Variants in POLR3B observed in about 807,000 individuals in gnomAD.
POLR3B encodes the protein DNA-directed RNA polymerase III subunit RPC2.
In POLR3B, 96 loss-of-function variants were observed where a neutral mutation model predicts 147.4. The ratio of observed to expected loss-of-function variants is 0.65; its 90% CI spans 0.55 to 0.77. The LOEUF (loss-of-function observed/expected upper bound fraction) is 0.77, where lower values mean the gene tolerates loss of function less well. POLR3B is among the 30% of genes least tolerant of loss of function. The pLI, the probability that POLR3B is intolerant of heterozygous loss-of-function variation, is 0.00. For synonymous variants in POLR3B, 461 were observed against 485.9 expected (o/e 0.95, Z 0.67); for missense variants, 1,036 against 1,413.5 (o/e 0.73, Z 4.28).
intron 23 of POLR3B, among the ~76,000 whole-genome samples, chr12:106,469,564 G>A (rs550419595): frequency 2.2e-4 from 34 of 152,204 alleles, no homozygotes; most frequent in Admixed American, 2.0e-3. Flanking sequence ...TTACAATTTG[G>A]CATGTTTTTG....
At chr12:106,406,773 G>A (rs926862586) in intron 11 of POLR3B, among the ~76,000 whole-genome samples, 1 of 152,166 alleles carries the variant, frequency 6.6e-6, no homozygotes, top group Non-Finnish European at 1.5e-5. Context: ...GTTGGCAAGA[G>A]GCAGCCCTCA....
chr12:106,473,875 G>T (rs1042235891), intron 23 of POLR3B, among the ~76,000 whole-genome samples: 2 of 151,056 alleles, frequency 1.3e-5, no homozygotes, highest in African/African-American at 4.9e-5. Context: ...CTGCGTGATT[G>T]CCCTGGCCAG....
At chr12:106,388,888 A>G (rs557775817) in intron 9 of POLR3B, among the ~76,000 whole-genome samples, 31 of 152,342 alleles carry the variant, frequency 2.0e-4, no homozygotes, top group African/African-American at 7.5e-4. Context: ...CTTTGTAGAT[A>G]TCTAAAAAGA....
intron 23 of POLR3B, among the ~76,000 whole-genome samples, chr12:106,486,267 G>C (rs2374609): frequency 0.26 from 35,278 of 137,918 alleles, 5,578 homozygotes; most frequent in East Asian, 0.69. Flanking sequence ...CCAGCCTGGG[G>C]TCAGAGGGAG....
At chr12:106,482,568 A>G (rs2038282739) in intron 23 of POLR3B, among the ~76,000 whole-genome samples, 1 of 152,198 alleles carries the variant, frequency 6.6e-6, no homozygotes, top group African/African-American at 2.4e-5. Flanking sequence ...CTCACTCACT[A>G]TCATGAGAAC....
rs537025390 is a variant in POLR3B, at chr12:106,432,431, A to G, written c.1578A>G (p.Leu526=). The part of the protein sequence containing the change: ...SNLGVEDVNL[L]CGEELSYPNV... Reference sequence around the variant, plus strand: ...TGGGAGTAGAAGATGTGAATTTATTATGTGGGGAAGAGCTCTCTTACCCAA... The same window carrying G: ...TGGGAGTAGAAGATGTGAATTTATTGTGTGGGGAAGAGCTCTCTTACCCAA... The change falls in exon 15 of 28, where the codon TTA becomes TTG. Residue 526 remains leucine, a synonymous_variant. Transcript: ENST00000228347. 5 of 1,613,526 alleles carry G rather than the reference A, an allele frequency of 3.1e-6. No individual in the cohort carries two copies. Among genetic ancestry groups the G allele is most frequent in the East Asian group, 4.5e-5 (2 of 44,856 alleles).
chr12:106,357,931 G>GCGC lies in POLR3B; in HGVS notation c.55_57dup (p.Pro19dup), dbSNP rs2036409248. On this transcript the variant is annotated inframe_insertion, in exon 1 of 28. Coordinates refer to ENST00000228347, the MANE Select transcript of POLR3B (RefSeq NM_018082.6). ...GAACCTGACTCCGGAGCAGCTGGCG[G>GCGC]CGCCGATCCCGACTGTAGAGGTCAG... 6.2e-7 allele frequency: 1 copy of GCGC among 1,613,258 alleles called. No individual in the cohort carries two copies.
At chr12:106,433,033 TC>T (rs2037530244) in intron 15 of POLR3B, among the ~76,000 whole-genome samples, 1 of 152,204 alleles carries the variant, frequency 6.6e-6, no homozygotes, top group Non-Finnish European at 1.5e-5. Context: ...GCCTGTTCTC[TC>T]CCTAGTATGC....
chr12:106,363,794 T>C (rs1050816589), intron 1 of POLR3B, 76 bp from the exon 2 acceptor site: 2 of 1,137,312 alleles, frequency 1.8e-6, no homozygotes, highest in African/African-American at 3.1e-5. Context: ...TTTGCTTATT[T>C]TGGAACATTA....
intron 17 of POLR3B, 122 bp downstream of exon 17, chr12:106,437,253 C>T: frequency 1.3e-6 from 1 of 770,662 alleles, no homozygotes; most frequent in South Asian, 1.5e-5. Context: ...TGTTAAAAAC[C>T]TATTTTGCTC....
chr12:106,430,063 T>C (rs1422066620), intron 13 of POLR3B, among the ~76,000 whole-genome samples: 3 of 152,198 alleles, frequency 2.0e-5, no homozygotes, highest in Non-Finnish European at 2.9e-5. Context: ...TTGCTAGACA[T>C]AGTAATGTTC....
chr12:106,403,291 A>G (rs1253716337), intron 10 of POLR3B, among the ~76,000 whole-genome samples: 2 of 151,560 alleles, frequency 1.3e-5, no homozygotes, highest in Non-Finnish European at 2.9e-5. Flanking sequence ...AATGGTGATC[A>G]TTAAAAAGTC....
chr12:106,490,292 T>C (rs767305070), intron 23 of POLR3B, among the ~76,000 whole-genome samples: 1 of 152,210 alleles, frequency 6.6e-6, no homozygotes, highest in Non-Finnish European at 1.5e-5. Flanking sequence ...CTATGGTTAT[T>C]GTTTTACAAT....
intron 19 of POLR3B, chr12:106,446,230 C>T (rs2037720876): frequency 2.2e-6 from 1 of 455,762 alleles, no homozygotes; most frequent in Non-Finnish European, 4.4e-6. Context: ...AACAATACAC[C>T]TTTTGTGTAG....
intron 25 of POLR3B, among the ~76,000 whole-genome samples, chr12:106,498,829 A>C (rs1417421527): frequency 6.6e-6 from 1 of 151,920 alleles, no homozygotes; most frequent in South Asian, 2.1e-4. Flanking sequence ...CAAATGATCC[A>C]CCTGCCTCGG....
chr12:106,378,089 AAAAAT>A (rs560534445), intron 7 of POLR3B, among the ~76,000 whole-genome samples, 173 bp from the exon 8 acceptor site: 17 of 152,336 alleles, frequency 1.1e-4, no homozygotes, highest in Admixed American at 2.6e-4. Context: ...TCCTTTCTCA[AAAAAT>A]AAAATAAAAT....
rs1225832771 is a variant in POLR3B at position 106,385,544 on chromosome 12, G to A, written c.723+5405G>A. Among the ~76,000 whole-genome samples, 4 of 152,138 alleles carry A rather than the reference G, an allele frequency of 2.6e-5. 1 individual carries two copies. In the South Asian group the frequency reaches 6.2e-4, roughly 24 times the overall value. On this transcript the variant is annotated intron_variant, in intron 9 of 27. Transcript: ENST00000228347. Reference sequence around the variant, plus strand: ...TTCGTTGAAACGGAAAAGCATTTTGGGTATAAGCCTCAGAGGAGTAAGAAA... The same window carrying A: ...TTCGTTGAAACGGAAAAGCATTTTGAGTATAAGCCTCAGAGGAGTAAGAAA...
chr12:106,476,764 T>G (rs975674293), intron 23 of POLR3B, among the ~76,000 whole-genome samples: 30 of 152,024 alleles, frequency 2.0e-4, no homozygotes, highest in African/African-American at 5.6e-4. Context: ...AGTTATACAT[T>G]CTTCTAAATT....
intron 7 of POLR3B, among the ~76,000 whole-genome samples, chr12:106,377,785 G>A (rs2036700925): frequency 6.6e-6 from 1 of 152,136 alleles, no homozygotes; most frequent in Non-Finnish European, 1.5e-5. Context: ...AAAATCACGT[G>A]CTGATCTTCA....
Sources: gnomAD v4.1 joint callset for allele counts (sites outside exome capture counted in the v4.1 genomes callset) on GRCh38, gnomAD v4.1.1 for gene constraint, MANE v1.5 for transcripts, NCBI Gene and HGNC (gene_info 2026-07-23, HGNC 2026-07-21) for gene names.